Variants in LTBP3 observed in about 807,000 individuals in gnomAD.
The protein encoded by LTBP3 is latent-transforming growth factor beta-binding protein 3.
LTBP3 carries 97 observed loss-of-function variants against 159.7 expected under a neutral mutation model. The ratio of observed to expected loss-of-function variants is 0.61; its 90% CI spans 0.52 to 0.72. The LOEUF (loss-of-function observed/expected upper bound fraction) is 0.72. Among genes scored for constraint, LTBP3 ranks in the 30% least tolerant of loss-of-function variants. The pLI, the probability that LTBP3 is intolerant of heterozygous loss-of-function variation, is 0.00. For missense variants in LTBP3, 1,584 were observed against 1,864.3 expected, an observed-to-expected ratio of 0.85 and a Z score of 2.77; for synonymous variants, 824 against 777.1, an observed-to-expected ratio of 1.06 and a Z score of -1.00.
chr11:65,557,854 C>CAGCAG lies in LTBP3; in HGVS notation c.105_106insCTGCT (p.Gly36LeufsTer36). ...CCCCCCTCGACCCTGCCGCCCAGGC[C>CAGCAG]CAGCAGCAGCAGCAGCAGCAGCAGC... On this transcript the variant is annotated frameshift_variant, in exon 1 of 28. Coordinates refer to ENST00000301873, the MANE Select transcript of LTBP3 (RefSeq NM_001130144.3). LOFTEE classifies it high-confidence loss of function. 1 of 1,320,154 alleles carries CAGCAG rather than the reference C, an allele frequency of 7.6e-7. No individual in the cohort carries two copies. The highest frequency in any genetic ancestry group is 9.7e-7 in the Non-Finnish European group (1 of 1,026,486). 81.8% of individuals were successfully genotyped at this position (1,320,154 alleles called of 1,614,324 possible). A position where few individuals can be genotyped will look rare whatever the true frequency, so the allele number is the denominator to read the frequency against.
Position 65,554,245 on chromosome 11 carries a change from G to C in LTBP3, c.467C>G (p.Pro156Arg), listed in dbSNP as rs759947049. ...GAGGGTGGSGPGLSRTGALST... is the reference protein window; with the variant it reads ...GAGGGTGGSGRGLSRTGALST... ...CAGGGCCCCTGTCCTGCTCAGGCCG[G>C]GGCCTGAGCCGCCGGTACCCCCACC... The change falls in exon 2 of 28, where the codon CCC (proline) becomes CGC (arginine). Residue 156 changes from proline (P) to arginine (R), a missense_variant. This residue lies in a region of LTBP3 where 194 missense variants were observed against 198.7 expected (regional missense o/e 0.98). Transcript: ENST00000301873. The surrounding 1 kb of genome is among the most constrained non-coding windows in gnomAD (Gnocchi z 5.3). 9.3e-6 allele frequency: 15 copies of C among 1,608,546 alleles called. No homozygotes were observed. In the East Asian group the frequency reaches 3.1e-4, roughly 34 times the overall value.
intron 11 of LTBP3, 57 bp from the exon 12 acceptor site, chr11:65,548,102 C>A: frequency 6.2e-7 from 1 of 1,611,194 alleles, no homozygotes; most frequent in Non-Finnish European, 8.5e-7. Context: ...TCTGCCATAT[C>A]CCCAGGGCAG....
At chr11:65,556,929 G>C (rs1466490190) in intron 1 of LTBP3, among the ~76,000 whole-genome samples, 1 of 152,072 alleles carries the variant, frequency 6.6e-6, no homozygotes, top group African/African-American at 2.4e-5. Flanking sequence ...CTGGGGAGGG[G>C]GTGGACTCCA....
rs1856674174 is a variant in LTBP3, at chr11:65,553,181, T to C, written c.1046A>G (p.Asn349Ser). 6.2e-7 allele frequency: 1 copy of C among 1,614,120 alleles called. No homozygotes were observed. The highest frequency in any genetic ancestry group is 8.5e-7 in the Non-Finnish European group (1 of 1,180,002). Residue 349 changes from asparagine to serine, a missense_variant, in exon 5 of 28, where the codon AAC becomes AGC. Asn to Ser is a conservative substitution (Grantham distance 46). Transcript: ENST00000301873. The surrounding 1 kb of genome is among the most constrained non-coding windows in gnomAD (Gnocchi z 6.5). The stretch of plus-strand genomic sequence containing the variant: ...GGCCATACCCTGGCAGTGGGTGCTG[T>C]TAAGCCTCTTGTAGCCCTGGGGACA... ...ADCPQGYKRL[N>S]STHCQDINEC... is the part of the protein sequence containing the mutation.
At position 65,543,782 on chromosome 11, in the gene LTBP3, C is replaced by T; in HGVS notation, c.2354-233G>A. ...AAGAGCCTCCCCAGCCTCCCCCGCC[C>T]TCTCTCCCTGCCCCAGCCGCTTTCA... On this transcript the variant is annotated intron_variant, in intron 16 of 27. Transcript: ENST00000301873. 4 of 569,722 alleles carry T rather than the reference C, an allele frequency of 7.0e-6. No individual in the cohort carries two copies. In the South Asian group the frequency reaches 7.8e-5, roughly 11 times the overall value. The allele number at this position is 569,722 out of a possible 1,614,324, so 35.3% of individuals were successfully genotyped here.
Position 65,546,598 on chromosome 11 carries a change from C to T in LTBP3, c.2231-34G>A, listed in dbSNP as rs767239901. On this transcript the variant is annotated intron_variant, in intron 15 of 27. Coordinates refer to ENST00000301873, the MANE Select transcript of LTBP3 (RefSeq NM_001130144.3). The surrounding 1 kb of genome is among the most constrained non-coding windows in gnomAD (Gnocchi z 4.0). ...GAAAGACCTAGCCTCGGACTCTGCC[C>T]CACCGGAAGGCGGACCGCGCACCTC... 6.3e-7 allele frequency: 1 copy of T among 1,599,148 alleles called. No homozygotes were observed. Among genetic ancestry groups the T allele is most frequent in the Non-Finnish European group, 8.5e-7 (1 of 1,179,210 alleles).
chr11:65,553,392 G>T lies in LTBP3; in HGVS notation c.970+33C>A. The T allele has an allele frequency of 6.4e-7, 1 of 1,572,138 alleles. No homozygotes were observed. The highest frequency in any genetic ancestry group is 8.7e-7 in the Non-Finnish European group (1 of 1,144,978). Reference sequence around the variant, plus strand: ...TGGGGTGGGTGGGGAGGGGCCACCAGATAGGGAACGCCCCCTGAGCCCAAG... The same window carrying T: ...TGGGGTGGGTGGGGAGGGGCCACCATATAGGGAACGCCCCCTGAGCCCAAG... On this transcript the variant is annotated intron_variant, in intron 4 of 27. Coordinates refer to ENST00000301873, the MANE Select transcript of LTBP3 (RefSeq NM_001130144.3). This position sits in a 1 kb window ranked among gnomAD's most constrained non-coding sequence, Gnocchi z 6.5.
At chr11:65,543,020 G>A (rs1382389722) in intron 18 of LTBP3, 85 bp downstream of exon 18, 5 of 1,567,592 alleles carry the variant, frequency 3.2e-6, no homozygotes, top group Non-Finnish European at 3.5e-6. Context: ...TGGGTGGATG[G>A]ATGGATGGAG....
Position 65,538,953 on chromosome 11 carries a change from G to T in LTBP3, c.*127C>A. The T allele has an allele frequency of 7.6e-7, 1 of 1,313,880 alleles. No homozygotes were observed. Among genetic ancestry groups the T allele is most frequent in the Non-Finnish European group, 9.7e-7 (1 of 1,032,636 alleles). The allele number at this position is 1,313,880 out of a possible 1,614,324, so 81.4% of individuals were successfully genotyped here. On this transcript the variant is annotated 3_prime_UTR_variant, in exon 28 of 28. Coordinates refer to ENST00000301873, the MANE Select transcript of LTBP3 (RefSeq NM_001130144.3). Reference sequence around the variant, plus strand: ...GTAGGGGCGCCTCGGGTCTCAAGGCGCCGGGAGGGTCTGCGGGCCCTGAAG... The same window carrying T: ...GTAGGGGCGCCTCGGGTCTCAAGGCTCCGGGAGGGTCTGCGGGCCCTGAAG...
intron 11 of LTBP3, among the ~76,000 whole-genome samples, chr11:65,549,118 C>T (rs904289730): frequency 3.3e-5 from 5 of 152,154 alleles, no homozygotes; most frequent in Admixed American, 2.6e-4. Context: ...GTATTTAGAA[C>T]GTAAAACTCT....
Position 65,548,053 on chromosome 11 carries a change from C to T in LTBP3, c.1721-8G>A. 6.2e-7 allele frequency: 1 copy of T among 1,613,822 alleles called. No individual in the cohort carries two copies. Among genetic ancestry groups the T allele is most frequent in the Non-Finnish European group, 8.5e-7 (1 of 1,179,980 alleles). On this transcript the variant is annotated splice_polypyrimidine_tract_variant and splice_region_variant and intron_variant, in intron 11 of 27. Transcript: ENST00000301873. ...GTCGGCACTCATCAGTCTCTGCGGG[C>T]ATGGCCAGGTCAAGCGGCAGAGCAG...
At chr11:65,540,738 G>GGGGCGGGGCCTACAGGA in intron 21 of LTBP3, 124 bp from the exon 22 acceptor site, 2 of 940,714 alleles carry the variant, frequency 2.1e-6, no homozygotes, top group South Asian at 1.8e-5. Flanking sequence ...GGCCTACAGG[G>GGGGCGGGGCCTACAGGA]CGGGGCCTGC....
chr11:65,556,875 A>G (rs1856831081), intron 1 of LTBP3, among the ~76,000 whole-genome samples: 1 of 150,468 alleles, frequency 6.6e-6, no homozygotes, highest in South Asian at 2.1e-4. Context: ...GGGGCCTAGC[A>G]GGAGGATGAC....
chr11:65,553,233 G>A lies in LTBP3; in HGVS notation c.994C>T (p.Pro332Ser), dbSNP rs149834363. The A allele has an allele frequency of 1.1e-5, 17 of 1,614,128 alleles. No individual in the cohort carries two copies. Among genetic ancestry groups the A allele is most frequent in the Non-Finnish European group, 1.4e-5 (17 of 1,179,994 alleles). The change falls in exon 5 of 28, where the codon CCT becomes TCT. Residue 332 changes from proline to serine, a missense_variant. Coordinates refer to ENST00000301873, the MANE Select transcript of LTBP3 (RefSeq NM_001130144.3). This position sits in a 1 kb window ranked among gnomAD's most constrained non-coding sequence, Gnocchi z 6.5. ...LQYTGVQKPG[P>S]VRGEVGADCP... ...TCAGCGCCCACTTCCCCACGTACAG[G>A]CCCTGGCTTCTGCACTCCTGTGTCT...
chr11:65,553,782 C>T lies in LTBP3; in HGVS notation c.783G>A (p.Pro261=). 6.4e-7 allele frequency: 1 copy of T among 1,566,814 alleles called. No homozygotes were observed. Among genetic ancestry groups the T allele is most frequent in the Non-Finnish European group, 8.6e-7 (1 of 1,163,996 alleles). ...GCCGGGGGTGCGAGGGCTTGGGGTG[C>T]GGCAGCAGGTGCTGGGAGGGGGCTG... ...ESAAPSQHLL[P]HPKPSHPRPP... is the part of the protein sequence containing the mutation. The change falls in exon 3 of 28, where the codon CCG becomes CCA. Residue 261 remains proline (P), a synonymous_variant. Coordinates refer to ENST00000301873, the MANE Select transcript of LTBP3 (RefSeq NM_001130144.3). The surrounding 1 kb of genome is among the most constrained non-coding windows in gnomAD (Gnocchi z 6.5).
At chr11:65,550,817 C>T (rs539072949) in intron 11 of LTBP3, among the ~76,000 whole-genome samples, 17 of 151,942 alleles carry the variant, frequency 1.1e-4, no homozygotes, top group East Asian at 9.7e-4. Flanking sequence ...AGCAAGACTC[C>T]GTCTCAAAAA....
Position 65,546,727 on chromosome 11 carries a change from G to A in LTBP3, c.2230+71C>T. 1.6e-5 allele frequency: 10 copies of A among 618,000 alleles called. No individual in the cohort carries two copies. In the South Asian group the frequency reaches 2.1e-4, roughly 13 times the overall value. The allele number at this position is 618,000 out of a possible 1,614,324, so 38.3% of individuals were successfully genotyped here. On this transcript the variant is annotated intron_variant, in intron 15 of 27. Coordinates refer to ENST00000301873, the MANE Select transcript of LTBP3 (RefSeq NM_001130144.3). This position sits in a 1 kb window ranked among gnomAD's most constrained non-coding sequence, Gnocchi z 4.0. ...CCAATCACCACCGCTACCCCGCCCC[G>A]CCCCCAGCGGAGCCAGACTGGGGGA...
Position 65,547,064 on chromosome 11 carries a change from C to T in LTBP3, c.2108-144G>A. On this transcript the variant is annotated intron_variant, in intron 14 of 27. Coordinates refer to ENST00000301873, the MANE Select transcript of LTBP3 (RefSeq NM_001130144.3). The surrounding 1 kb of genome is among the most constrained non-coding windows in gnomAD (Gnocchi z 4.6). Reference sequence around the variant, plus strand: ...TCTGAGAGGCCCAGAGCCGAGCATACAGGCCGGGTGCGGTGGCACACGGCT... The same window carrying T: ...TCTGAGAGGCCCAGAGCCGAGCATATAGGCCGGGTGCGGTGGCACACGGCT... 8.1e-7 allele frequency: 1 copy of T among 1,236,342 alleles called. No individual in the cohort carries two copies. The highest frequency in any genetic ancestry group is 1.1e-6 in the Non-Finnish European group (1 of 895,676). 76.6% of individuals were successfully genotyped at this position (1,236,342 alleles called of 1,614,324 possible). A position where few individuals can be genotyped will look rare whatever the true frequency, so the allele number is the denominator to read the frequency against.
intron 11 of LTBP3, 108 bp from the exon 12 acceptor site, chr11:65,548,153 A>G: frequency 6.6e-7 from 1 of 1,504,160 alleles, no homozygotes; most frequent in East Asian, 2.3e-5. Flanking sequence ...AGGTTCCTGT[A>G]CGCCCATACT....
Sources: allele counts gnomAD v4.1 joint callset (sites outside exome capture counted in the v4.1 genomes callset), GRCh38; gene constraint gnomAD v4.1.1; regional missense constraint gnomAD v4.1.1; non-coding constraint Gnocchi (gnomAD v3.1); transcripts MANE v1.5; gene names NCBI Gene and HGNC (gene_info 2026-07-23, HGNC 2026-07-21).